The following CRIM1 variants were observed in gnomAD, a reference collection of about 807,000 sequenced individuals.
The protein encoded by CRIM1 is cysteine rich transmembrane BMP regulator 1.
Under a neutral mutation model 116.4 loss-of-function variants are expected in CRIM1, and 32 were observed. The observed-to-expected ratio is 0.27, with a 90% CI of 0.21 to 0.37. The LOEUF is 0.37. Ranked by LOEUF, CRIM1 falls within the 10% of genes least tolerant of loss-of-function variation. CRIM1 has a pLI of 1.00. For synonymous variants in CRIM1, 590 were observed against 509.2 expected (o/e 1.16, Z -2.13); for missense variants, 1,331 against 1,354.8 (o/e 0.98, Z 0.28).
chr2:36,389,218 G>A (rs1671395338), intron 1 of CRIM1, among the ~76,000 whole-genome samples: 1 of 152,230 alleles, frequency 6.6e-6, no homozygotes, highest in African/African-American at 2.4e-5. Context: ...AAGAGAAAGA[G>A]AAGGAAGCAC....
intron 4 of CRIM1, among the ~76,000 whole-genome samples, chr2:36,455,365 A>G (rs759721827): frequency 6.6e-6 from 1 of 152,218 alleles, no homozygotes; most frequent in African/African-American, 2.4e-5. Flanking sequence ...GGTGCTTTTC[A>G]TCAGTTCGTT....
rs533659711 is a variant in CRIM1 at position 36,485,311 on chromosome 2, T to G, written c.1372+5617T>G. 7.2e-5 allele frequency among the ~76,000 whole-genome samples: 11 copies of G among 152,340 alleles called. No homozygotes were observed. In the South Asian group the frequency reaches 2.1e-3, roughly 29 times the overall value. ...TTGGGACAGTGTTGAAGACTGGATGTCAGGCACGTCTTGACCTATGTGGAT... is the reference window on the plus strand; with the variant it reads ...TTGGGACAGTGTTGAAGACTGGATGGCAGGCACGTCTTGACCTATGTGGAT... On this transcript the variant is annotated intron_variant, in intron 7 of 16. Transcript: ENST00000280527.
At chr2:36,508,147 T>C (rs749827000) in intron 8 of CRIM1, among the ~76,000 whole-genome samples, 65 of 152,202 alleles carry the variant, frequency 4.3e-4, no homozygotes, top group Non-Finnish European at 3.7e-4. Flanking sequence ...ATTTAGAATT[T>C]CTCTTTTAAG....
intron 1 of CRIM1, among the ~76,000 whole-genome samples, chr2:36,391,145 T>C (rs1178347574): frequency 1.1e-5 from 1 of 88,122 alleles, no homozygotes; most frequent in Non-Finnish European, 2.3e-5. Flanking sequence ...TTTTTTTTTT[T>C]TTGAGTTGGA....
intron 6 of CRIM1, 146 bp downstream of exon 6, chr2:36,477,217 T>G (rs1273131898): frequency 1.5e-6 from 1 of 648,116 alleles, no homozygotes; most frequent in East Asian, 3.1e-5. Flanking sequence ...ATGGTCTGTC[T>G]TTTAGCATGT....
At chr2:36,407,278 C>T (rs2148405870) in intron 2 of CRIM1, among the ~76,000 whole-genome samples, 1 of 152,202 alleles carries the variant, frequency 6.6e-6, no homozygotes, top group Middle Eastern at 3.4e-3. Context: ...TATCTGTAAA[C>T]ACAGATATGT....
At chr2:36,435,844 A>G (rs1378417198) in intron 2 of CRIM1, among the ~76,000 whole-genome samples, 11 of 151,930 alleles carry the variant, frequency 7.2e-5, no homozygotes, top group Non-Finnish European at 1.6e-4. Flanking sequence ...GATTATTAAG[A>G]TGATGAAACC....
intron 2 of CRIM1, among the ~76,000 whole-genome samples, chr2:36,432,474 T>G (rs1035656806): frequency 2.6e-5 from 4 of 152,216 alleles, no homozygotes; most frequent in Non-Finnish European, 5.9e-5. Flanking sequence ...CTGAACTCAG[T>G]AAATATTTGA....
chr2:36,457,850 T>G (rs1361444822), intron 4 of CRIM1, among the ~76,000 whole-genome samples: 1 of 152,230 alleles, frequency 6.6e-6, no homozygotes, highest in African/African-American at 2.4e-5. Flanking sequence ...GCAGCTACTT[T>G]TTATAGAATA....
chr2:36,449,796 C>T (rs990344686), intron 4 of CRIM1, among the ~76,000 whole-genome samples: 3 of 151,574 alleles, frequency 2.0e-5, no homozygotes, highest in South Asian at 2.1e-4. Context: ...ATATATGGCT[C>T]GCCTAGGGAT....
intron 9 of CRIM1, among the ~76,000 whole-genome samples, chr2:36,510,984 G>A (rs1157411270): frequency 6.8e-6 from 1 of 147,206 alleles, no homozygotes; most frequent in East Asian, 2.0e-4. Context: ...GTAGTGCAGT[G>A]GCACAAGCAT....
intron 7 of CRIM1, among the ~76,000 whole-genome samples, chr2:36,485,721 A>G (rs1359837760): frequency 1.3e-5 from 2 of 152,238 alleles, no homozygotes; most frequent in Non-Finnish European, 2.9e-5. Flanking sequence ...AAGATGCCAT[A>G]GGGTCACATG....
intron 2 of CRIM1, among the ~76,000 whole-genome samples, chr2:36,439,229 A>G (rs115701466): frequency 0.01 from 1,523 of 152,204 alleles, 10 homozygotes; most frequent in Middle Eastern, 0.014. Context: ...TCTCCAACAC[A>G]CCCGGTACCC....
chr2:36,386,724 G>A (rs1671194213), intron 1 of CRIM1, among the ~76,000 whole-genome samples: 1 of 152,208 alleles, frequency 6.6e-6, no homozygotes, highest in African/African-American at 2.4e-5. Flanking sequence ...GAGATTAGAT[G>A]AACAATTTCA....
rs201318543 is a variant in CRIM1, at chr2:36,506,864, AT to A, written c.1502-3109del. On this transcript the variant is annotated intron_variant, in intron 8 of 16. Transcript: ENST00000280527. Reference sequence around the variant, plus strand: ...TCTTTATTTATGTTTTTATTTATTTATTTTTTTTTTAGACACAGGTTCTCAC... The same window carrying A: ...TCTTTATTTATGTTTTTATTTATTTATTTTTTTTTAGACACAGGTTCTCAC... Among the ~76,000 whole-genome samples the A allele has an allele frequency of 4.3e-4, 64 of 148,692 alleles. No homozygotes were observed. The Middle Eastern group carries it at 0.014, about 32-fold the overall frequency.
chr2:36,437,854 C>G (rs1572728629), intron 2 of CRIM1, among the ~76,000 whole-genome samples: 2 of 151,782 alleles, frequency 1.3e-5, no homozygotes, highest in South Asian at 4.2e-4. Context: ...GGATAACCAG[C>G]CGGGCGCGGT....
intron 15 of CRIM1, among the ~76,000 whole-genome samples, chr2:36,545,402 C>T (rs1015140437): frequency 6.6e-6 from 1 of 152,124 alleles, no homozygotes; most frequent in East Asian, 1.9e-4. Flanking sequence ...CTGCTGTATG[C>T]CAGACCCTGT....
At chr2:36,367,436 C>G (rs1427142808) in intron 1 of CRIM1, among the ~76,000 whole-genome samples, 1 of 152,172 alleles carries the variant, frequency 6.6e-6, no homozygotes, top group Non-Finnish European at 1.5e-5. Flanking sequence ...CCCTTCATCT[C>G]TTAATAGCCC....
intron 1 of CRIM1, among the ~76,000 whole-genome samples, chr2:36,388,165 A>T (rs1158561015): frequency 6.6e-6 from 1 of 152,284 alleles, no homozygotes; most frequent in Middle Eastern, 3.4e-3. Context: ...TTGTGTAATG[A>T]CAGAGTGCTT....
Sources: gnomAD v4.1 joint callset for allele counts (sites outside exome capture counted in the v4.1 genomes callset) on GRCh38, gnomAD v4.1.1 for gene constraint, MANE v1.5 for transcripts, NCBI Gene and HGNC (gene_info 2026-07-23, HGNC 2026-07-21) for gene names.